CACNA2D3: variants seen among roughly 807,000 people sequenced by gnomAD.
CACNA2D3 encodes the protein calcium voltage-gated channel auxiliary subunit alpha2delta 3.
CACNA2D3 carries 60 observed loss-of-function variants against 160.6 expected under a neutral mutation model. That is an observed-to-expected ratio of 0.37 (90% CI 0.30 to 0.46). The LOEUF is 0.46. Among genes scored for constraint, CACNA2D3 ranks in the 20% least tolerant of loss-of-function variants. The pLI is 1.00. For synonymous variants in CACNA2D3, 558 were observed against 492.9 expected (o/e 1.13, Z -1.75); for missense variants, 1,205 against 1,365.0 (o/e 0.88, Z 1.85).
At chr3:54,633,960 G>A (rs56321766) in intron 10 of CACNA2D3, among the ~76,000 whole-genome samples, 6 of 152,094 alleles carry the variant, frequency 3.9e-5, no homozygotes, top group Non-Finnish European at 7.4e-5. Context: ...TGCGTGATTC[G>A]AGTTGGCTTT....
intron 31 of CACNA2D3, among the ~76,000 whole-genome samples, chr3:54,989,777 T>C (rs967521937): frequency 6.6e-6 from 1 of 152,230 alleles, no homozygotes; most frequent in Non-Finnish European, 1.5e-5. Flanking sequence ...ATCTTTGTTC[T>C]GTCTTGAATT....
intron 35 of CACNA2D3, among the ~76,000 whole-genome samples, chr3:55,045,070 CAG>C (rs150175331): frequency 0.011 from 1,723 of 152,116 alleles, 26 homozygotes; most frequent in African/African-American, 0.039. Flanking sequence ...GTTTTTGAGA[CAG>C]AGTTTCATTC....
intron 5 of CACNA2D3, among the ~76,000 whole-genome samples, chr3:54,557,916 C>T (rs1257570639): frequency 6.6e-5 from 10 of 152,170 alleles, no homozygotes; most frequent in Non-Finnish European, 1.3e-4. Flanking sequence ...ATCCCAGTTA[C>T]CTCAGTGATC....
Position 54,868,346 on chromosome 3 carries a change from G to C in CACNA2D3, c.1627-3193G>C, listed in dbSNP as rs537999365. Among the ~76,000 whole-genome samples, 22 of 152,252 alleles carry C rather than the reference G, an allele frequency of 1.4e-4. No homozygotes were observed. In the East Asian group the frequency reaches 3.5e-3, roughly 24 times the overall value. On this transcript the variant is annotated intron_variant, in intron 17 of 37. Transcript: ENST00000474759. ...GGCATTCTTAAACAGTGTTCCAGAG[G>C]AAGTATCCCTACCCCCGATCTGTAT... is the stretch of plus-strand genomic sequence containing the variant.
Position 54,570,007 on chromosome 3 carries a change from GT to G in CACNA2D3, c.792del (p.Ser264ArgfsTer4). On this transcript the variant is annotated frameshift_variant, in exon 8 of 38. Transcript: ENST00000474759. LOFTEE classifies it high-confidence loss of function. ...GACGTGGTCATTTTAGTTGACGTCA[GT>G]GGCAGCATGAAAGGACTCCGTCTGA... ...PKDVVILVDVSGSMKGLRLTI... is the reference protein window; with the variant it reads ...PKDVVILVDVXGSMKGLRLTI... 6.2e-7 allele frequency: 1 copy of G among 1,614,040 alleles called. No homozygotes were observed. The highest frequency in any genetic ancestry group is 8.5e-7 in the Non-Finnish European group (1 of 1,179,892).
chr3:54,311,303 C>T (rs138044454), intron 2 of CACNA2D3, among the ~76,000 whole-genome samples: 88 of 152,256 alleles, frequency 5.8e-4, no homozygotes, highest in African/African-American at 1.9e-3. Context: ...TTCTCCCCTC[C>T]GCATCTCTCC....
chr3:55,053,635 A>G (rs1489509632), intron 35 of CACNA2D3, among the ~76,000 whole-genome samples: 4 of 151,998 alleles, frequency 2.6e-5, no homozygotes, highest in Non-Finnish European at 5.9e-5. Flanking sequence ...TGAATTTTAT[A>G]TCCTGCATCC....
intron 4 of CACNA2D3, among the ~76,000 whole-genome samples, chr3:54,461,488 T>C (rs1181084409): frequency 6.6e-6 from 1 of 151,528 alleles, no homozygotes; most frequent in Non-Finnish European, 1.5e-5. Context: ...TTCAACTTCT[T>C]CCTGGTTTAG....
intron 2 of CACNA2D3, among the ~76,000 whole-genome samples, chr3:54,277,608 C>G (rs148563535): frequency 6.6e-6 from 1 of 152,090 alleles, no homozygotes; most frequent in African/African-American, 2.4e-5. Context: ...CTTGGCTCTA[C>G]GGGCTTTTTT....
intron 27 of CACNA2D3, among the ~76,000 whole-genome samples, chr3:54,954,771 C>G (rs1701839045): frequency 6.6e-6 from 1 of 152,160 alleles, no homozygotes; most frequent in African/African-American, 2.4e-5. Context: ...CCTCCCTTCC[C>G]TGAGGCCTTA....
At chr3:54,693,665 C>T (rs1215194402) in intron 11 of CACNA2D3, among the ~76,000 whole-genome samples, 1 of 152,100 alleles carries the variant, frequency 6.6e-6, no homozygotes, top group African/African-American at 2.4e-5. Flanking sequence ...TGTTATTGCC[C>T]CTGAAGACCT....
intron 2 of CACNA2D3, among the ~76,000 whole-genome samples, chr3:54,139,421 A>T (rs1699878899): frequency 1.3e-5 from 2 of 152,256 alleles, no homozygotes; most frequent in African/African-American, 4.8e-5. Context: ...CCAAGAGAAG[A>T]CTAAAGTCGC....
intron 22 of CACNA2D3, 63 bp from the exon 23 acceptor site, chr3:54,885,426 G>A: frequency 3.1e-6 from 5 of 1,600,164 alleles, no homozygotes; most frequent in Non-Finnish European, 4.3e-6. Flanking sequence ...TGATTCCAAG[G>A]CAAAGGAAGC....
chr3:54,944,372 C>T (rs1315506586), intron 27 of CACNA2D3, among the ~76,000 whole-genome samples: 1 of 151,822 alleles, frequency 6.6e-6, no homozygotes, highest in African/African-American at 2.4e-5. Flanking sequence ...TATATTTTGA[C>T]TGTTTTATTT....
At chr3:54,975,342 A>C (rs1030849017) in intron 29 of CACNA2D3, among the ~76,000 whole-genome samples, 5 of 152,122 alleles carry the variant, frequency 3.3e-5, no homozygotes, top group African/African-American at 9.7e-5. Context: ...AACATGGTGA[A>C]ATCCCGTCTT....
chr3:54,471,064 T>C (rs751435728), intron 4 of CACNA2D3, among the ~76,000 whole-genome samples: 6 of 152,198 alleles, frequency 3.9e-5, no homozygotes, highest in Non-Finnish European at 8.8e-5. Flanking sequence ...GCAGACCTAA[T>C]AGACATCTAC....
chr3:54,736,108 T>TATAC lies in CACNA2D3; in HGVS notation c.1168-16491_1168-16490insATAC, dbSNP rs1491284250. Reference sequence around the variant, plus strand: ...GTATGTGTATATATATACATATATATGTATATATATACATATATATATGTA... The same window carrying TATAC: ...GTATGTGTATATATATACATATATATATACGTATATATATACATATATATATGTA... On this transcript the variant is annotated intron_variant, in intron 11 of 37. Transcript: ENST00000474759. Among the ~76,000 whole-genome samples, 2 of 19,842 alleles carry TATAC rather than the reference T, an allele frequency of 1.0e-4. 1 individual carries two copies. The highest frequency in any genetic ancestry group is 1.8e-3 in the East Asian group (2 of 1,124). The allele number at this position is 19,842 out of a possible 152,430, so 13.0% of individuals were successfully genotyped here. A position where few individuals can be genotyped will look rare whatever the true frequency, so the allele number is the denominator to read the frequency against.
At chr3:54,453,360 T>TCTCTC in intron 4 of CACNA2D3, among the ~76,000 whole-genome samples, 2 of 152,308 alleles carry the variant, frequency 1.3e-5, no homozygotes, top group South Asian at 4.2e-4. Flanking sequence ...TGACCTTTAA[T>TCTCTC]TGACTTTTTA....
At chr3:54,848,527 A>T (rs1383989294) in intron 17 of CACNA2D3, among the ~76,000 whole-genome samples, 1 of 149,714 alleles carries the variant, frequency 6.7e-6, no homozygotes, top group Admixed American at 6.6e-5. Flanking sequence ...CCTGTTGGTC[A>T]TCTGTCCCAT....
Sources: allele counts gnomAD v4.1 joint callset (sites outside exome capture counted in the v4.1 genomes callset), GRCh38; gene constraint gnomAD v4.1.1; transcripts MANE v1.5; gene names NCBI Gene and HGNC (gene_info 2026-07-23, HGNC 2026-07-21).